The following LRRC7 variants were observed in gnomAD, a reference collection of about 807,000 sequenced individuals.
The protein encoded by LRRC7 is leucine-rich repeat-containing protein 7.
A neutral mutation model predicts 175.7 loss-of-function variants in LRRC7; 23 were observed. The observed-to-expected ratio is 0.13, with a 90% CI of 0.09 to 0.19. The LOEUF (loss-of-function observed/expected upper bound fraction) is 0.19. Among genes scored for constraint, LRRC7 ranks in the 10% least tolerant of loss-of-function variants. The pLI is 1.00. For missense variants in LRRC7, 1,354 were observed against 1,904.7 expected (o/e 0.71, Z 5.38); for synonymous variants, 685 against 680.9 (o/e 1.01, Z -0.09).
At chr1:69,984,781 A>T (rs12023579) in intron 9 of LRRC7, among the ~76,000 whole-genome samples, 9,406 of 152,280 alleles carry the variant, frequency 0.062, 281 homozygotes, top group South Asian at 0.11. Context: ...AGTTCCCTGA[A>T]GTTACTACTT....
chr1:69,961,532 T>C (rs1422651223), intron 8 of LRRC7, among the ~76,000 whole-genome samples: 19 of 152,170 alleles, frequency 1.2e-4, no homozygotes, highest in Non-Finnish European at 4.4e-5. Context: ...AAGGCCAAAC[T>C]GGGCAGAAAG....
intron 2 of LRRC7, among the ~76,000 whole-genome samples, chr1:69,715,577 TA>T (rs1194863761): frequency 6.6e-6 from 1 of 151,998 alleles, no homozygotes; most frequent in East Asian, 1.9e-4. Context: ...CTGAATACAT[TA>T]AGCTATGACT....
intron 2 of LRRC7, among the ~76,000 whole-genome samples, chr1:69,751,803 G>C (rs188258014): frequency 1.2e-3 from 176 of 152,264 alleles, no homozygotes; most frequent in African/African-American, 4.0e-3. Flanking sequence ...CTAATTTGCC[G>C]TAAGTAGAAC....
chr1:69,760,578 C>A (rs1176280066), intron 3 of LRRC7, among the ~76,000 whole-genome samples, 185 bp downstream of exon 3: 2 of 151,880 alleles, frequency 1.3e-5, no homozygotes, highest in African/African-American at 2.4e-5. Context: ...ATTTCACGGG[C>A]CTCTGTTAAT....
chr1:69,906,087 C>G (rs1449696008), intron 7 of LRRC7, among the ~76,000 whole-genome samples: 2 of 152,128 alleles, frequency 1.3e-5, no homozygotes, highest in African/African-American at 4.8e-5. Context: ...TATCATTCAC[C>G]CACTTTTTGA....
At chr1:69,652,091 T>G (rs1292667058) in intron 1 of LRRC7, among the ~76,000 whole-genome samples, 9 of 152,160 alleles carry the variant, frequency 5.9e-5, no homozygotes, top group Non-Finnish European at 1.5e-5. Flanking sequence ...AGGGCCCTGA[T>G]TAGAAGCCAG....
At position 69,751,083 on chromosome 1, in the gene LRRC7, G is replaced by T. The variant is rs146975942; in HGVS notation, c.101-9108G>T. 6.3e-3 allele frequency among the ~76,000 whole-genome samples: 965 copies of T among 152,242 alleles called. 3 individuals are homozygous for T. Among genetic ancestry groups the T allele is most frequent in the African/African-American group, 0.022 (914 of 41,544 alleles). ...AGCTTTTAAACTGGGGAATGGATGTGCATTTTAAGAGATTAATTAATGTCT... is the reference window on the plus strand; with the variant it reads ...AGCTTTTAAACTGGGGAATGGATGTTCATTTTAAGAGATTAATTAATGTCT... On this transcript the variant is annotated intron_variant, in intron 2 of 26. Coordinates refer to ENST00000651989, the MANE Select transcript of LRRC7 (RefSeq NM_001370785.2).
At chr1:70,035,350 G>A (rs942072340) in intron 18 of LRRC7, among the ~76,000 whole-genome samples, 1 of 152,112 alleles carries the variant, frequency 6.6e-6, no homozygotes, top group African/African-American at 2.4e-5. Context: ...AATTGTGGAA[G>A]TTTAAAATCT....
chr1:69,609,020 C>T lies in LRRC7; in HGVS notation c.2+40379C>T, dbSNP rs1055269864. ...ATATGATTTTATAAAATTGGCATTTCTCCATGGAAAAAAAATGTCCAGATA... is the reference window on the plus strand; with the variant it reads ...ATATGATTTTATAAAATTGGCATTTTTCCATGGAAAAAAAATGTCCAGATA... On this transcript the variant is annotated intron_variant, in intron 1 of 26. Transcript: ENST00000651989. 3.3e-5 allele frequency among the ~76,000 whole-genome samples: 5 copies of T among 150,704 alleles called. No homozygotes were observed. The East Asian group carries it at 5.8e-4, about 18-fold the overall frequency.
chr1:69,599,704 A>G (rs1418188814), intron 1 of LRRC7, among the ~76,000 whole-genome samples: 1 of 152,184 alleles, frequency 6.6e-6, no homozygotes, highest in Non-Finnish European at 1.5e-5. Flanking sequence ...CTTGCCATCC[A>G]GTCCCTTTTT....
chr1:70,069,121 T>C (rs1309405833), intron 23 of LRRC7, among the ~76,000 whole-genome samples: 1 of 152,182 alleles, frequency 6.6e-6, no homozygotes, highest in Non-Finnish European at 1.5e-5. Flanking sequence ...AATTATAGTG[T>C]GTCTGTATTA....
chr1:69,645,540 T>C (rs761355634), intron 1 of LRRC7, among the ~76,000 whole-genome samples: 57 of 152,242 alleles, frequency 3.7e-4, no homozygotes, highest in Non-Finnish European at 6.5e-4. Flanking sequence ...ATTTTCTTTA[T>C]ATTTTTCATC....
chr1:69,887,753 C>G (rs1434052574), intron 7 of LRRC7, among the ~76,000 whole-genome samples: 44 of 141,318 alleles, frequency 3.1e-4, no homozygotes, highest in African/African-American at 4.5e-4. Flanking sequence ...GTGGTTTTAT[C>G]TACTTTTGGT....
chr1:69,800,683 A>C (rs1676370889), intron 4 of LRRC7, among the ~76,000 whole-genome samples: 1 of 151,942 alleles, frequency 6.6e-6, no homozygotes, highest in African/African-American at 2.4e-5. Flanking sequence ...TCAATAGTAA[A>C]CAGAGATCAT....
rs896934839 is a variant in LRRC7 at position 70,113,992 on chromosome 1, A to T, written c.4620+6166A>T. 5.3e-4 allele frequency among the ~76,000 whole-genome samples: 80 copies of T among 152,186 alleles called. 1 individual carries two copies. Among genetic ancestry groups the T allele is most frequent in the Non-Finnish European group, 5.3e-4 (36 of 68,032 alleles). ...TAAGAGAGTGTTGATGTTCACAGTT[A>T]TTACCGTAAATCATTAAGAAATGGT... On this transcript the variant is annotated intron_variant, in intron 26 of 26. Transcript: ENST00000651989.
chr1:69,767,948 A>G (rs1671799521), intron 3 of LRRC7, among the ~76,000 whole-genome samples: 1 of 152,124 alleles, frequency 6.6e-6, no homozygotes, highest in Non-Finnish European at 1.5e-5. Flanking sequence ...GGGAAAAAAA[A>G]ACAGACATTA....
intron 1 of LRRC7, among the ~76,000 whole-genome samples, chr1:69,594,240 G>T (rs1426378520): frequency 2.0e-5 from 3 of 151,908 alleles, no homozygotes; most frequent in African/African-American, 7.3e-5. Flanking sequence ...CTTTGTGTAC[G>T]CCGCTCTTTA....
Position 70,028,249 on chromosome 1 carries a change from G to C in LRRC7, c.1873G>C (p.Val625Leu). The C allele has an allele frequency of 6.2e-7, 1 of 1,613,742 alleles. No homozygotes were observed. Residue 625 changes from valine (V) to leucine (L), a missense_variant, in exon 18 of 27, where the codon GTG (valine) becomes CTG (leucine). Around this residue, in one of 4 missense-constraint regions of LRRC7, gnomAD observed 1,032 missense variants for 1,227.2 expected, o/e 0.84. Transcript: ENST00000651989. ...TATGGTAAAATCTGTTCAAAATTTG[G>C]TGGGTAAGCCAAGCCATGGAGTGCG... The part of the protein sequence containing the change: ...KNMVKSVQNL[V>L]GKPSHGVRVE...
rs576322370 is a variant in LRRC7 at position 69,786,317 on chromosome 1, CT to C, written c.304-5718del. On this transcript the variant is annotated intron_variant, in intron 3 of 26. Coordinates refer to ENST00000651989, the MANE Select transcript of LRRC7 (RefSeq NM_001370785.2). ...CTTGTGGTTGGCAATTCCTAGAAGA[CT>C]TTTTTTTCTCTCTCTCTCTGTCTTT... Among the ~76,000 whole-genome samples the C allele has an allele frequency of 3.3e-4, 50 of 152,014 alleles. 1 individual carries two copies. The highest frequency in any genetic ancestry group is 8.3e-4 in the South Asian group (4 of 4,806).
Sources: gnomAD v4.1 joint callset for allele counts (sites outside exome capture counted in the v4.1 genomes callset) on GRCh38, gnomAD v4.1.1 for gene constraint, gnomAD v4.1.1 regional missense constraint, MANE v1.5 for transcripts, NCBI Gene and HGNC (gene_info 2026-07-23, HGNC 2026-07-21) for gene names.